The following SPAG16 variants were observed in gnomAD, a reference collection of about 807,000 sequenced individuals.
The protein encoded by SPAG16 is sperm-associated antigen 16 protein.
Under a neutral mutation model 80.4 loss-of-function variants are expected in SPAG16, and 86 were observed. That is an observed-to-expected ratio of 1.07 (90% CI 0.90 to 1.28). The LOEUF (loss-of-function observed/expected upper bound fraction) is 1.28, where lower values mean the gene tolerates loss of function less well. SPAG16 is among the 50% of genes most tolerant of loss of function. The pLI is 0.00. For missense variants in SPAG16, 870 were observed against 765.3 expected (o/e 1.14, Z -1.61); for synonymous variants, 294 against 265.9 (o/e 1.11, Z -1.03).
chr2:214,182,943 A>G (rs1456434527), intron 15 of SPAG16, among the ~76,000 whole-genome samples: 1 of 151,942 alleles, frequency 6.6e-6, no homozygotes, highest in Non-Finnish European at 1.5e-5. Context: ...TCCCAATTAT[A>G]AGGAACTCTA....
intron 15 of SPAG16, among the ~76,000 whole-genome samples, chr2:214,350,545 T>C (rs941367768): frequency 6.6e-6 from 1 of 152,148 alleles, no homozygotes; most frequent in African/African-American, 2.4e-5. Context: ...CCTAGAGAAA[T>C]CTGATACCAA....
At chr2:214,209,058 C>T (rs1270629710) in intron 15 of SPAG16, among the ~76,000 whole-genome samples, 1 of 151,998 alleles carries the variant, frequency 6.6e-6, no homozygotes, top group African/African-American at 2.4e-5. Context: ...GCAATACCTA[C>T]CTGGGTCTTT....
chr2:213,614,020 C>T (rs1179198550), intron 10 of SPAG16, among the ~76,000 whole-genome samples: 1 of 152,222 alleles, frequency 6.6e-6, no homozygotes, highest in Non-Finnish European at 1.5e-5. Flanking sequence ...AACAGGATAG[C>T]AATCCACTCT....
chr2:213,297,465 A>G lies in SPAG16; in HGVS notation c.279+108A>G, dbSNP rs1210358421. On this transcript the variant is annotated intron_variant, in intron 3 of 15. Coordinates refer to ENST00000331683, the MANE Select transcript of SPAG16 (RefSeq NM_024532.5). ...TACTAGTGTAGCTCAGTCATCTGTT[A>G]TATCATTTTCATCTCTGTTTATTTG... 11 of 577,092 alleles carry G rather than the reference A, an allele frequency of 1.9e-5. No homozygotes were observed. The South Asian group carries it at 2.3e-4, about 12-fold the overall frequency. The allele number at this position is 577,092 out of a possible 1,614,324, so 35.7% of individuals were successfully genotyped here. A position where few individuals can be genotyped will look rare whatever the true frequency, so the allele number is the denominator to read the frequency against.
At chr2:213,472,236 C>T (rs1260863209) in intron 9 of SPAG16, among the ~76,000 whole-genome samples, 1 of 149,532 alleles carries the variant, frequency 6.7e-6, no homozygotes, top group Non-Finnish European at 1.5e-5. Flanking sequence ...TTCTAGTGGG[C>T]CTTATGGACA....
chr2:213,783,430 C>A (rs899121310), intron 10 of SPAG16, among the ~76,000 whole-genome samples: 3 of 147,162 alleles, frequency 2.0e-5, no homozygotes, highest in Non-Finnish European at 4.5e-5. Flanking sequence ...GGCAGAGTAT[C>A]TATATCTATT....
intron 13 of SPAG16, among the ~76,000 whole-genome samples, chr2:214,069,631 T>G (rs1559756382): frequency 6.6e-6 from 1 of 152,092 alleles, no homozygotes; most frequent in Non-Finnish European, 1.5e-5. Flanking sequence ...GGGAGATGGG[T>G]GGTAAAAGCA....
chr2:214,098,862 G>A (rs1377744385), intron 13 of SPAG16, among the ~76,000 whole-genome samples: 1 of 152,078 alleles, frequency 6.6e-6, no homozygotes, highest in Non-Finnish European at 1.5e-5. Flanking sequence ...TACAGAGGCA[G>A]GAGTTGGTTG....
At chr2:213,308,961 G>A (rs2063070074) in intron 3 of SPAG16, among the ~76,000 whole-genome samples, 1 of 152,112 alleles carries the variant, frequency 6.6e-6, no homozygotes, top group African/African-American at 2.4e-5. Flanking sequence ...CTGGGACCCA[G>A]TTATAAACAT....
chr2:213,642,834 A>AAAAAAAAAAAAAAAAAAAAAAC (rs2062647599), intron 10 of SPAG16, among the ~76,000 whole-genome samples: 1 of 36,056 alleles, frequency 2.8e-5, no homozygotes, highest in South Asian at 6.4e-4. Flanking sequence ...AAAAAAAAAA[A>AAAAAAAAAAAAAAAAAAAAAAC]AAAAAAAAAA....
At chr2:214,381,007 T>G (rs189185667) in intron 15 of SPAG16, among the ~76,000 whole-genome samples, 22 of 152,354 alleles carry the variant, frequency 1.4e-4, no homozygotes, top group Admixed American at 1.2e-3. Flanking sequence ...GAATTCTTGG[T>G]CCTGCTGCAT....
intron 10 of SPAG16, among the ~76,000 whole-genome samples, chr2:213,644,695 T>C (rs1021109902): frequency 1.3e-5 from 2 of 152,090 alleles, no homozygotes; most frequent in African/African-American, 4.8e-5. Context: ...TCTCAGTCAG[T>C]CTCTTTCTCT....
At chr2:214,071,140 C>T (rs1388648516) in intron 13 of SPAG16, among the ~76,000 whole-genome samples, 2 of 152,174 alleles carry the variant, frequency 1.3e-5, no homozygotes, top group Middle Eastern at 3.4e-3. Flanking sequence ...CAAATGAAGA[C>T]TTTTGTGATA....
chr2:213,828,872 T>G (rs1012444623), intron 10 of SPAG16, among the ~76,000 whole-genome samples: 1 of 152,194 alleles, frequency 6.6e-6, no homozygotes. Context: ...CTTTGCTTAC[T>G]TTCTCCTGAA....
At position 213,982,610 on chromosome 2, in the gene SPAG16, GGTGTGTGTGTGTGTGTGTGT is replaced by G. The variant is rs57529616; in HGVS notation, c.1401-31321_1401-31302del. On this transcript the variant is annotated intron_variant, in intron 12 of 15. Coordinates refer to ENST00000331683, the MANE Select transcript of SPAG16 (RefSeq NM_024532.5). ...AACTTGTTACCAAGGTATAGTTTCTGGTGTGTGTGTGTGTGTGTGTGTGTGTGTGTGTGTGTGTGAAAGAC... is the reference window on the plus strand; with the variant it reads ...AACTTGTTACCAAGGTATAGTTTCTGGTGTGTGTGTGTGTGTGTGAAAGAC... Among the ~76,000 whole-genome samples, 3 of 141,926 alleles carry G rather than the reference GGTGTGTGTGTGTGTGTGTGT, an allele frequency of 2.1e-5. No individual in the cohort carries two copies. The South Asian group carries it at 7.0e-4, about 33-fold the overall frequency. 93.1% of individuals were successfully genotyped at this position (141,926 alleles called of 152,430 possible).
intron 9 of SPAG16, among the ~76,000 whole-genome samples, chr2:213,479,586 A>G (rs767768212): frequency 6.6e-6 from 1 of 151,766 alleles, no homozygotes; most frequent in Non-Finnish European, 1.5e-5. Flanking sequence ...GCTCCTTTTG[A>G]AAAAAAAGCA....
At chr2:213,703,423 T>C (rs1217949269) in intron 10 of SPAG16, among the ~76,000 whole-genome samples, 2 of 152,236 alleles carry the variant, frequency 1.3e-5, no homozygotes, top group Non-Finnish European at 2.9e-5. Flanking sequence ...AAGACTTTAC[T>C]AAAATTATGT....
intron 10 of SPAG16, among the ~76,000 whole-genome samples, chr2:213,852,207 C>T (rs373700048): frequency 1.3e-5 from 2 of 152,158 alleles, no homozygotes; most frequent in South Asian, 4.1e-4. Flanking sequence ...TATACAAAAG[C>T]GGCATCTGCC....
At chr2:213,420,874 G>A (rs1362774837) in intron 9 of SPAG16, among the ~76,000 whole-genome samples, 1 of 152,202 alleles carries the variant, frequency 6.6e-6, no homozygotes, top group East Asian at 1.9e-4. Flanking sequence ...AGAATCACTA[G>A]TCTGCTTGTT....
Sources: gnomAD v4.1 joint callset for allele counts (sites outside exome capture counted in the v4.1 genomes callset) on GRCh38, gnomAD v4.1.1 for gene constraint, MANE v1.5 for transcripts, NCBI Gene and HGNC (gene_info 2026-07-23, HGNC 2026-07-21) for gene names.